Variants in ZDHHC7 observed in about 807,000 individuals in gnomAD.
The protein encoded by ZDHHC7 is palmitoyltransferase ZDHHC7.
ZDHHC7 carries 12 observed loss-of-function variants against 34.1 expected under a neutral mutation model. That is an observed-to-expected ratio of 0.35 (90% CI 0.23 to 0.57). The LOEUF (loss-of-function observed/expected upper bound fraction) is 0.57, where lower values mean the gene tolerates loss of function less well. Among genes scored for constraint, ZDHHC7 ranks in the 20% least tolerant of loss-of-function variants. The pLI is 0.84. For synonymous variants in ZDHHC7, 185 were observed against 155.4 expected, an observed-to-expected ratio of 1.19 and a Z score of -1.42; for missense variants, 388 against 402.7, an observed-to-expected ratio of 0.96 and a Z score of 0.31.
chr16:84,984,460 T>G (rs1413051370), intron 3 of ZDHHC7, among the ~76,000 whole-genome samples: 1 of 152,190 alleles, frequency 6.6e-6, no homozygotes, highest in Non-Finnish European at 1.5e-5. Context: ...GGCCAGATTT[T>G]AAAACTCCAA....
At chr16:85,002,649 G>A (rs893872044) in intron 1 of ZDHHC7, among the ~76,000 whole-genome samples, 1 of 152,152 alleles carries the variant, frequency 6.6e-6, no homozygotes, top group Non-Finnish European at 1.5e-5. Context: ...TCCTGGGACA[G>A]AGAAAGGACA....
At chr16:85,013,334 C>A (rs529624285), upstream of ZDHHC7, among the ~76,000 whole-genome samples, 5 of 151,476 alleles carry the variant, frequency 3.3e-5, no homozygotes, top group African/African-American at 1.2e-4. Flanking sequence ...CCTCCACTTC[C>A]GGGGTTTAAG....
chr16:84,982,761 C>A (rs773112693), intron 3 of ZDHHC7, among the ~76,000 whole-genome samples: 2 of 152,260 alleles, frequency 1.3e-5, no homozygotes, highest in Non-Finnish European at 2.9e-5. Flanking sequence ...CCAGCGGCAT[C>A]AGAAACTTGA....
intron 2 of ZDHHC7, among the ~76,000 whole-genome samples, chr16:84,990,952 C>A (rs1248008539): frequency 2.0e-5 from 3 of 152,170 alleles, no homozygotes; most frequent in African/African-American, 7.2e-5. Context: ...GGTTCCCCGG[C>A]AGCGTGGAGA....
At chr16:84,982,218 G>A (rs571309448) in intron 3 of ZDHHC7, 86 of 399,044 alleles carry the variant, frequency 2.2e-4, no homozygotes, top group Middle Eastern at 8.2e-4. Context: ...GGTGGCAGGC[G>A]CCTGTAATCC....
At chr16:85,004,544 T>G (rs1358432650) in intron 1 of ZDHHC7, among the ~76,000 whole-genome samples, 1 of 82,674 alleles carries the variant, frequency 1.2e-5, no homozygotes, top group Non-Finnish European at 2.5e-5. Context: ...CACCCCCCAC[T>G]CCACCCCACC....
intron 3 of ZDHHC7, among the ~76,000 whole-genome samples, chr16:84,984,616 G>A (rs1349089696): frequency 6.6e-6 from 1 of 152,184 alleles, no homozygotes; most frequent in African/African-American, 2.4e-5. Context: ...GCATTTCGAA[G>A]GGGAAGCCAA....
chr16:84,976,627 G>T, intron 7 of ZDHHC7, 108 bp from the exon 8 acceptor site: 1 of 1,413,228 alleles, frequency 7.1e-7, no homozygotes, highest in Admixed American at 2.6e-5. Flanking sequence ...TCGATGGAGG[G>T]TAGGTGAGTG....
intron 3 of ZDHHC7, among the ~76,000 whole-genome samples, chr16:84,985,065 T>C (rs1448829734): frequency 6.6e-6 from 1 of 152,220 alleles, no homozygotes; most frequent in Non-Finnish European, 1.5e-5. Flanking sequence ...TCTAAAACAC[T>C]TCTTGAATGT....
the ZDHHC7 span, among the ~76,000 whole-genome samples, chr16:85,020,922 T>C: frequency 1.7e-4 from 26 of 151,314 alleles, no homozygotes; most frequent in Admixed American, 4.6e-4. Flanking sequence ...CTGGGCAACA[T>C]AGTGAGTCCC....
intron 3 of ZDHHC7, 160 bp from the exon 4 acceptor site, chr16:84,982,154 G>T: frequency 1.2e-6 from 1 of 803,352 alleles, no homozygotes. Flanking sequence ...ACCCAGCCTG[G>T]TCAACATGGT....
rs1045039876 is a variant in ZDHHC7 at position 84,974,223 on chromosome 16, G to T, written c.*2120C>A. On this transcript the variant is annotated 3_prime_UTR_variant, in exon 8 of 8. Transcript: ENST00000313732. ...TTTATTTCAACGTGCACTAAAAAAAGGACTAAGTAAAACGATGGGAGTCGA... is the reference window on the plus strand; with the variant it reads ...TTTATTTCAACGTGCACTAAAAAAATGACTAAGTAAAACGATGGGAGTCGA... 6.6e-6 allele frequency: 1 copy of T among 152,218 alleles called. No homozygotes were observed. The highest frequency in any genetic ancestry group is 1.9e-4 in the East Asian group (1 of 5,206). 9.4% of individuals were successfully genotyped at this position (152,218 alleles called of 1,614,324 possible).
chr16:84,998,719 C>A (rs1246354907), intron 1 of ZDHHC7, among the ~76,000 whole-genome samples: 3 of 149,818 alleles, frequency 2.0e-5, no homozygotes, highest in Non-Finnish European at 4.4e-5. Flanking sequence ...GGTTCCCCAA[C>A]AGAGCTCCAG....
chr16:84,979,948 C>CTTTTTTTTTTTTTTTTTT (rs1567492505), intron 4 of ZDHHC7, among the ~76,000 whole-genome samples: 1 of 135,136 alleles, frequency 7.4e-6, no homozygotes, highest in African/African-American at 2.9e-5. Context: ...CATAGCGTCA[C>CTTTTTTTTTTTTTTTTTT]CTTTTTTTTT....
At chr16:85,011,081 C>T (rs1404892878) in intron 1 of ZDHHC7, among the ~76,000 whole-genome samples, 2 of 152,358 alleles carry the variant, frequency 1.3e-5, no homozygotes, top group Non-Finnish European at 2.9e-5. Flanking sequence ...CCCGAGAGAG[C>T]AACTAAGGAA....
chr16:84,990,381 C>G lies in ZDHHC7; in HGVS notation c.238G>C (p.Val80Leu), dbSNP rs372275219. 1.6e-5 allele frequency: 26 copies of G among 1,614,014 alleles called. No individual in the cohort carries two copies. The highest frequency in any genetic ancestry group is 2.2e-5 in the East Asian group (1 of 44,874). ...LLPSKDFWYS[V>L]VNGVIFNCLA... ...CAGTTAAAGATGACCCCGTTGACCA[C>G]AGAGTACCAGAAGTCTTTGGAAGGC... Residue 80 changes from valine (V) to leucine (L), a missense_variant, in exon 3 of 8, where the codon GTG becomes CTG. Physicochemically the swap from Val to Leu is conservative, Grantham distance 32. Coordinates refer to ENST00000313732, the MANE Select transcript of ZDHHC7 (RefSeq NM_017740.3).
At chr16:84,982,200 C>T (rs1464066887) in intron 3 of ZDHHC7, 2 of 475,304 alleles carry the variant, frequency 4.2e-6, no homozygotes, top group Admixed American at 7.1e-5. Context: ...AAAAAATTAG[C>T]CAGGCGCGGT....
At chr16:85,023,192 A>C in the ZDHHC7 span, among the ~76,000 whole-genome samples, 30 of 149,958 alleles carry the variant, frequency 2.0e-4, no homozygotes, top group Middle Eastern at 3.4e-3. Context: ...TTTGAGACGA[A>C]GTATCGCTCT....
intron 2 of ZDHHC7, among the ~76,000 whole-genome samples, chr16:84,991,103 G>A (rs1394132020): frequency 6.6e-6 from 1 of 152,210 alleles, no homozygotes; most frequent in African/African-American, 2.4e-5. Flanking sequence ...TGACGAGTAA[G>A]TCACTGGTTC....
Sources: allele counts gnomAD v4.1 joint callset (sites outside exome capture counted in the v4.1 genomes callset), GRCh38; gene constraint gnomAD v4.1.1; transcripts MANE v1.5; gene names NCBI Gene and HGNC (gene_info 2026-07-23, HGNC 2026-07-21).